Variants in NHSL2 observed in about 807,000 individuals in gnomAD.
NHSL2 encodes NHS like 2.
A neutral mutation model predicts 53.4 loss-of-function variants in NHSL2; 27 were observed. That is an observed-to-expected ratio of 0.51 (90% CI 0.37 to 0.70). The LOEUF (loss-of-function observed/expected upper bound fraction) is 0.70. Ranked by LOEUF, NHSL2 falls within the 30% of genes least tolerant of loss-of-function variation. The pLI, the probability that NHSL2 is intolerant of heterozygous loss-of-function variation, is 0.00. For missense variants in NHSL2, 892 were observed against 980.1 expected, an observed-to-expected ratio of 0.91 and a Z score of 1.20; for synonymous variants, 408 against 404.1, an observed-to-expected ratio of 1.01 and a Z score of -0.12.
At chrX:72,053,358 G>T (rs937431144) in intron 1 of NHSL2, among the ~76,000 whole-genome samples, 2 of 111,702 alleles carry the variant, frequency 1.8e-5, no homozygotes, top group Non-Finnish European at 3.8e-5. Context: ...GGGACAGGAC[G>T]CTCCATAACT....
At chrX:72,094,687 C>T (rs1057071152) in intron 1 of NHSL2, among the ~76,000 whole-genome samples, 1 of 111,069 alleles carries the variant, frequency 9.0e-6, no homozygotes, top group Non-Finnish European at 1.9e-5. Context: ...CAGTATAAAT[C>T]CTTAGGATCT....
intron 1 of NHSL2, among the ~76,000 whole-genome samples, chrX:72,058,940 G>T (rs1271402658): frequency 1.8e-5 from 2 of 111,865 alleles, no homozygotes; most frequent in African/African-American, 3.2e-5. Flanking sequence ...CAACATCAGT[G>T]CTCCCTGTTC....
rs1041491244 is a variant in NHSL2 at position 72,132,060 on chromosome X, T to G, written c.281-19T>G. On this transcript the variant is annotated intron_variant, in intron 1 of 7. Coordinates refer to ENST00000633930, the MANE Select transcript of NHSL2 (RefSeq NM_001013627.3). Reference sequence around the variant, plus strand: ...CCTCCAGCTCGCCTGCGCCTCTCACTGACTCTCTCCTTCCCTAGCTGCAGC... The same window carrying G: ...CCTCCAGCTCGCCTGCGCCTCTCACGGACTCTCTCCTTCCCTAGCTGCAGC... 6.0e-6 allele frequency: 7 copies of G among 1,163,283 alleles called. No individual in the cohort carries two copies.
chrX:72,085,262 A>T (rs772158319), intron 1 of NHSL2, among the ~76,000 whole-genome samples: 1 of 111,931 alleles, frequency 8.9e-6, no homozygotes, highest in South Asian at 3.7e-4. Flanking sequence ...TCAAAGACAC[A>T]TGCAGTTCTT....
chrX:72,131,550 C>T (rs1255090019), intron 1 of NHSL2: 14 of 1,161,021 alleles, frequency 1.2e-5, no homozygotes, highest in Non-Finnish European at 1.6e-5. Context: ...TCTCGACAAG[C>T]CCAGGGGCCC....
At chrX:72,107,444 A>AT (rs1208691536) in intron 1 of NHSL2, among the ~76,000 whole-genome samples, 113 of 111,912 alleles carry the variant, frequency 1.0e-3, no homozygotes, top group African/African-American at 3.6e-3. Context: ...GGCAGGGCCC[A>AT]TTTAGCCTGC....
chrX:72,118,078 A>G (rs2042154452), intron 1 of NHSL2, among the ~76,000 whole-genome samples: 1 of 111,059 alleles, frequency 9.0e-6, no homozygotes, highest in African/African-American at 3.3e-5. Flanking sequence ...ATCACATTAC[A>G]TTCCCATCAG....
At chrX:72,070,703 G>A (rs2041695451) in intron 1 of NHSL2, among the ~76,000 whole-genome samples, 1 of 108,342 alleles carries the variant, frequency 9.2e-6, no homozygotes, top group Non-Finnish European at 1.9e-5. Flanking sequence ...TGTCTTGGTG[G>A]AGTTCCCTCT....
Position 72,140,942 on chromosome X carries a change from T to TA in NHSL2, c.3223+172dup, listed in dbSNP as rs750989575. 190 of 423,014 alleles carry TA rather than the reference T, an allele frequency of 4.5e-4. 1 individual carries two copies. Among genetic ancestry groups the TA allele is most frequent in the African/African-American group, 4.5e-3 (178 of 39,981 alleles). 34.9% of individuals were successfully genotyped at this position (423,014 alleles called of 1,213,427 possible). The stretch of plus-strand genomic sequence containing the variant: ...CTAAATAGGAACCACGGGCTGGCCT[T>TA]ACTGCCCTTGAGATCAAGACTAGCC... On this transcript the variant is annotated intron_variant, in intron 6 of 7. Transcript: ENST00000633930.
At chrX:71,999,030 T>C (rs1206693020) in intron 1 of NHSL2, among the ~76,000 whole-genome samples, 4 of 112,428 alleles carry the variant, frequency 3.6e-5, no homozygotes, top group African/African-American at 9.7e-5. Context: ...CACTCATGCA[T>C]CAAGACTCAG....
At chrX:72,050,710 A>G (rs1248487855) in intron 1 of NHSL2, among the ~76,000 whole-genome samples, 1 of 110,592 alleles carries the variant, frequency 9.0e-6, no homozygotes, top group Non-Finnish European at 1.9e-5. Context: ...CCTGGCCAAT[A>G]TAGCGAAACC....
chrX:72,137,010 CATCA>C, intron 4 of NHSL2, 80 bp from the exon 5 acceptor site: 1 of 797,939 alleles, frequency 1.3e-6, no homozygotes, highest in Non-Finnish European at 1.8e-6. Flanking sequence ...TCACGACTGC[CATCA>C]TTCTCTTCTC....
At position 72,146,890 on chromosome X, in the gene NHSL2, C is replaced by T. The variant is rs1019645953; in HGVS notation, c.*3316C>T. The T allele has an allele frequency of 1.8e-5, 2 of 111,669 alleles. No individual in the cohort carries two copies. The highest frequency in any genetic ancestry group is 7.5e-4 in the South Asian group (2 of 2,650). The allele number at this position is 111,669 out of a possible 1,213,427, so 9.2% of individuals were successfully genotyped here. On this transcript the variant is annotated 3_prime_UTR_variant, in exon 8 of 8. Transcript: ENST00000633930. ...GCCCCAAATCCCATGAACTGCATCC[C>T]TAGCACAACAACTCACCCATAAAGG...
Position 72,139,237 on chromosome X carries a change from G to A in NHSL2, c.1689G>A (p.Lys563=), listed in dbSNP as rs2042388989. ...RQRSKSISLR[K]AKKKPSPPTR... The stretch of plus-strand genomic sequence containing the variant: ...GGTCCAAGAGTATCTCACTTAGGAA[G>A]GCCAAAAAGAAGCCTTCCCCACCCA... The change falls in exon 6 of 8, where the codon AAG becomes AAA. Residue 563 remains lysine (K), a synonymous_variant. Coordinates refer to ENST00000633930, the MANE Select transcript of NHSL2 (RefSeq NM_001013627.3). The A allele has an allele frequency of 5.1e-6, 6 of 1,182,922 alleles. No homozygotes were observed. The East Asian group carries it at 1.9e-4, about 37-fold the overall frequency.
chrX:71,921,861 G>A (rs1462171086), intron 1 of NHSL2, among the ~76,000 whole-genome samples: 2 of 112,338 alleles, frequency 1.8e-5, no homozygotes, highest in South Asian at 3.7e-4. Flanking sequence ...GTGCTTTCCC[G>A]TGTTCTCTGA....
chrX:72,100,451 CTGTCATATATGCAGT>C (rs1395511251), intron 1 of NHSL2, among the ~76,000 whole-genome samples: 1 of 112,238 alleles, frequency 8.9e-6, no homozygotes, highest in Non-Finnish European at 1.9e-5. Flanking sequence ...AATGGGGCCA[CTGTCATATATGCAGT>C]TGTCATATAT....
At chrX:72,090,669 A>G (rs1291131442) in intron 1 of NHSL2, among the ~76,000 whole-genome samples, 2 of 109,408 alleles carry the variant, frequency 1.8e-5, no homozygotes, top group South Asian at 3.9e-4. Flanking sequence ...CCTACCCCTA[A>G]CCCCCCATCC....
chrX:72,000,746 C>G (rs1602303340), intron 1 of NHSL2, among the ~76,000 whole-genome samples: 1 of 111,978 alleles, frequency 8.9e-6, no homozygotes, highest in South Asian at 3.7e-4. Flanking sequence ...TCCAGCCTCC[C>G]GCTTTCACTT....
chrX:72,042,754 CAAAAA>C (rs5902691), intron 1 of NHSL2, among the ~76,000 whole-genome samples: 2 of 95,076 alleles, frequency 2.1e-5, no homozygotes, highest in Non-Finnish European at 2.0e-5. Context: ...ATCCCTGAGC[CAAAAA>C]AAAAAAAAAA....
Sources: allele counts gnomAD v4.1 joint callset (sites outside exome capture counted in the v4.1 genomes callset), GRCh38; gene constraint gnomAD v4.1.1; transcripts MANE v1.5; gene names NCBI Gene and HGNC (gene_info 2026-07-23, HGNC 2026-07-21).